The following USP37 variants were observed in gnomAD, a reference collection of about 807,000 sequenced individuals.
USP37 encodes ubiquitin specific peptidase 37, also known as ubiquitin carboxyl-terminal hydrolase 37.
USP37 carries 27 observed loss-of-function variants against 124.0 expected under a neutral mutation model. The observed-to-expected ratio is 0.22, with a 90% confidence interval of 0.16 to 0.30. USP37 has a LOEUF of 0.30. USP37 is among the 10% of genes least tolerant of loss of function. The pLI, the probability that USP37 is intolerant of heterozygous loss-of-function variation, is 1.00. For synonymous variants in USP37, 365 were observed against 388.0 expected (o/e 0.94, Z 0.70); for missense variants, 889 against 1,140.4 (o/e 0.78, Z 3.17).
chr2:218,561,406 C>T (rs1019929971), intron 2 of USP37, among the ~76,000 whole-genome samples: 24 of 152,116 alleles, frequency 1.6e-4, no homozygotes, highest in African/African-American at 4.3e-4. Flanking sequence ...GCCTGTAATC[C>T]CAGCACTTTG....
intron 14 of USP37, among the ~76,000 whole-genome samples, chr2:218,491,970 T>A (rs967535762): frequency 6.6e-6 from 1 of 152,056 alleles, no homozygotes; most frequent in African/African-American, 2.4e-5. Context: ...GAAGCTGAAG[T>A]GGGAAGTTGG....
intron 20 of USP37, 80 bp from the exon 21 acceptor site, chr2:218,466,256 A>T (rs1690312686): frequency 2.1e-6 from 3 of 1,437,782 alleles, no homozygotes; most frequent in African/African-American, 2.9e-5. Context: ...CCTACTGTTC[A>T]TAAAGCAATT....
intron 11 of USP37, among the ~76,000 whole-genome samples, chr2:218,501,902 G>A (rs1230158790): frequency 6.6e-6 from 1 of 152,158 alleles, no homozygotes; most frequent in Non-Finnish European, 1.5e-5. Context: ...TGTTTACTAT[G>A]GAGCTACTGG....
intron 10 of USP37, among the ~76,000 whole-genome samples, chr2:218,525,317 C>G (rs1340360269): frequency 6.6e-6 from 1 of 151,916 alleles, no homozygotes; most frequent in Non-Finnish European, 1.5e-5. Flanking sequence ...TCCGTGTCTA[C>G]GAAAAATACC....
intron 11 of USP37, among the ~76,000 whole-genome samples, chr2:218,504,293 T>C (rs747970017): frequency 3.9e-5 from 6 of 152,244 alleles, no homozygotes; most frequent in African/African-American, 1.4e-4. Flanking sequence ...TATAATACTT[T>C]TTGAATTACT....
In USP37 at chr2:218,562,701, A is replaced by G; in HGVS notation, c.-117T>C. ...TCAGTGACTTTTACCGAAAAACCCT[A>G]TGTAATAGCAATTCACCTTTATTCT... On this transcript the variant is annotated 5_prime_UTR_variant, in exon 2 of 26. Coordinates refer to ENST00000258399, the MANE Select transcript of USP37 (RefSeq NM_020935.3). 5.0e-6 allele frequency: 2 copies of G among 398,596 alleles called. No homozygotes were observed. Among genetic ancestry groups the G allele is most frequent in the Non-Finnish European group, 8.8e-6 (2 of 226,054 alleles). The allele number at this position is 398,596 out of a possible 1,614,324, so 24.7% of individuals were successfully genotyped here. A position where few individuals can be genotyped will look rare whatever the true frequency, so the allele number is the denominator to read the frequency against.
In USP37 at chr2:218,562,672, C is replaced by G; in HGVS notation, c.-89+1G>C. On this transcript the variant is annotated splice_donor_variant, in intron 2 of 25. Coordinates refer to ENST00000258399, the MANE Select transcript of USP37 (RefSeq NM_020935.3). LOFTEE classifies it low-confidence loss of function (5UTR_SPLICE). ...ATATCCAAAACAAAAACATTACTTA[C>G]TTTTCAGTGACTTTTACCGAAAAAC... 1 of 398,520 alleles carries G rather than the reference C, an allele frequency of 2.5e-6. No homozygotes were observed. The allele number at this position is 398,520 out of a possible 1,614,324, so 24.7% of individuals were successfully genotyped here. A position where few individuals can be genotyped will look rare whatever the true frequency, so the allele number is the denominator to read the frequency against.
chr2:218,557,176 A>G (rs1394341976), intron 4 of USP37, among the ~76,000 whole-genome samples: 6 of 152,270 alleles, frequency 3.9e-5, no homozygotes, highest in Admixed American at 2.0e-4. Context: ...GCCATCCCTT[A>G]GCACAATATC....
intron 10 of USP37, among the ~76,000 whole-genome samples, chr2:218,524,597 C>A (rs780820708): frequency 3.3e-5 from 5 of 152,076 alleles, no homozygotes; most frequent in African/African-American, 1.2e-4. Context: ...CATAAAATAA[C>A]CCTGGAAGGA....
intron 20 of USP37, among the ~76,000 whole-genome samples, chr2:218,472,924 G>GACTC (rs1293358689): frequency 2.0e-5 from 3 of 151,928 alleles, no homozygotes; most frequent in African/African-American, 7.3e-5. Flanking sequence ...TTCTAACCTA[G>GACTC]ACTCCTAAGG....
At chr2:218,518,986 A>G (rs1690445327) in intron 10 of USP37, among the ~76,000 whole-genome samples, 1 of 152,182 alleles carries the variant, frequency 6.6e-6, no homozygotes, top group African/African-American at 2.4e-5. Flanking sequence ...AGATTTTCAG[A>G]TCACAACTAG....
intron 8 of USP37, among the ~76,000 whole-genome samples, chr2:218,544,426 T>TAGAGAGAGAGAG (rs1434695494): frequency 2.6e-3 from 122 of 47,672 alleles, no homozygotes; most frequent in Middle Eastern, 0.012. Flanking sequence ...TATATATATA[T>TAGAGAGAGAGAG]ATATAGAGAG....
At position 218,488,519 on chromosome 2, in the gene USP37, T is replaced by C. The variant is rs1052740725; in HGVS notation, c.1473-98A>G. 117 of 714,888 alleles carry C rather than the reference T, an allele frequency of 1.6e-4. 1 individual carries two copies. Among genetic ancestry groups the C allele is most frequent in the Non-Finnish European group, 3.3e-5 (14 of 429,140 alleles). 44.3% of individuals were successfully genotyped at this position (714,888 alleles called of 1,614,324 possible). A position where few individuals can be genotyped will look rare whatever the true frequency, so the allele number is the denominator to read the frequency against. On this transcript the variant is annotated intron_variant, in intron 14 of 25. Coordinates refer to ENST00000258399, the MANE Select transcript of USP37 (RefSeq NM_020935.3). ...TGTTCTTCCACAGAACTTATGGTAC[T>C]GACACACTATCACCAGGCATAAGAA...
chr2:218,493,901 A>G (rs1350903884), intron 14 of USP37, among the ~76,000 whole-genome samples: 1 of 152,222 alleles, frequency 6.6e-6, no homozygotes, highest in Non-Finnish European at 1.5e-5. Flanking sequence ...CTATAAAAAA[A>G]ATTTGAATGG....
intron 8 of USP37, among the ~76,000 whole-genome samples, chr2:218,535,974 G>A (rs1443000229): frequency 2.4e-5 from 3 of 126,034 alleles, no homozygotes; most frequent in Admixed American, 1.0e-4. Flanking sequence ...CAGGGATCAC[G>A]CCATTGCACT....
intron 4 of USP37, among the ~76,000 whole-genome samples, chr2:218,554,983 C>A (rs765966165): frequency 6.6e-6 from 1 of 152,020 alleles, no homozygotes; most frequent in Non-Finnish European, 1.5e-5. Context: ...ATTCAAAGAT[C>A]ATATGGACCT....
chr2:218,518,915 T>C (rs1044622651), intron 10 of USP37, among the ~76,000 whole-genome samples: 1 of 152,240 alleles, frequency 6.6e-6, no homozygotes, highest in Non-Finnish European at 1.5e-5. Context: ...TCTAAGCCAA[T>C]GACATTCATT....
At chr2:218,527,361 G>A (rs1193981354) in intron 10 of USP37, among the ~76,000 whole-genome samples, 1 of 152,168 alleles carries the variant, frequency 6.6e-6, no homozygotes, top group Non-Finnish European at 1.5e-5. Context: ...CTAGCTCAAA[G>A]AGCTATTCTA....
At chr2:218,485,049 A>G (rs1691478830) in intron 16 of USP37, among the ~76,000 whole-genome samples, 1 of 152,144 alleles carries the variant, frequency 6.6e-6, no homozygotes, top group African/African-American at 2.4e-5. Flanking sequence ...GCAAAAAATT[A>G]CTCCCTGTTT....
Sources: gnomAD v4.1 joint callset for allele counts (sites outside exome capture counted in the v4.1 genomes callset) on GRCh38, gnomAD v4.1.1 for gene constraint, MANE v1.5 for transcripts, NCBI Gene and HGNC (gene_info 2026-07-23, HGNC 2026-07-21) for gene names.